EPS8: variants seen among roughly 807,000 people sequenced by gnomAD.
EPS8 encodes the protein EGFR pathway substrate 8, signaling adaptor.
In EPS8, 42 loss-of-function variants were observed where a neutral mutation model predicts 103.8. That is an observed-to-expected ratio of 0.40 (90% CI 0.32 to 0.52). The LOEUF (loss-of-function observed/expected upper bound fraction) is 0.52. Ranked by LOEUF, EPS8 falls within the 20% of genes least tolerant of loss-of-function variation. The pLI, the probability that EPS8 is intolerant of heterozygous loss-of-function variation, is 0.40. For missense variants in EPS8, 969 were observed against 1,005.1 expected (o/e 0.96, Z 0.49); for synonymous variants, 344 against 344.6 (o/e 1.00, Z 0.02).
At chr12:15,663,939 A>T (rs867279623) in intron 8 of EPS8, among the ~76,000 whole-genome samples, 39 of 63,772 alleles carry the variant, frequency 6.1e-4, no homozygotes, top group African/African-American at 3.1e-3. Context: ...AAAAAAAAAA[A>T]AAAAAAATAA....
chr12:15,640,661 T>A, intron 17 of EPS8, 42 bp downstream of exon 17: 1 of 1,570,954 alleles, frequency 6.4e-7, no homozygotes, highest in Non-Finnish European at 8.7e-7. Context: ...GATAACTTCG[T>A]AAATGTGTAC....
chr12:15,644,283 CT>C (rs1945282287), intron 15 of EPS8, among the ~76,000 whole-genome samples: 1 of 152,274 alleles, frequency 6.6e-6, no homozygotes, highest in African/African-American at 2.4e-5. Flanking sequence ...CGTCACTTTC[CT>C]TTTTTTGTCT....
At chr12:15,718,457 A>C (rs975174135) in intron 1 of EPS8, among the ~76,000 whole-genome samples, 16 of 152,208 alleles carry the variant, frequency 1.1e-4, no homozygotes, top group African/African-American at 3.9e-4. Flanking sequence ...AGAGCCTCCC[A>C]TTTCTGCTGA....
chr12:15,720,191 T>C (rs1237915436), intron 1 of EPS8, among the ~76,000 whole-genome samples: 2 of 152,202 alleles, frequency 1.3e-5, no homozygotes, highest in East Asian at 3.8e-4. Context: ...GAAAAGAGTA[T>C]AGCATAGTAC....
chr12:15,747,850 C>G lies in EPS8; in HGVS notation c.-22+41311G>C, dbSNP rs934232407. Among the ~76,000 whole-genome samples, 1 of 152,084 alleles carries G rather than the reference C, an allele frequency of 6.6e-6. No homozygotes were observed. The highest frequency in any genetic ancestry group is 2.4e-5 in the African/African-American group (1 of 41,394). On this transcript the variant is annotated intron_variant, in intron 1 of 20. Transcript: ENST00000281172. The surrounding 1 kb of genome is among the most constrained non-coding windows in gnomAD (Gnocchi z 4.4). ...CCTGGCTAACACGGTGAAACCCCGT[C>G]TCTACTAAAAATACAAAGAATTAGC...
intron 12 of EPS8, 102 bp downstream of exon 12, chr12:15,657,977 C>T: frequency 1.4e-6 from 1 of 706,008 alleles, no homozygotes; most frequent in African/African-American, 1.8e-5. Flanking sequence ...AAATAGTACC[C>T]ACGCAAGGTA....
intron 1 of EPS8, among the ~76,000 whole-genome samples, chr12:15,730,330 C>A (rs1194908954): frequency 6.6e-6 from 1 of 152,096 alleles, no homozygotes. Context: ...AGTGGCAGAG[C>A]CAGGTTTCAA....
At chr12:15,718,025 T>C (rs1293946333) in intron 1 of EPS8, among the ~76,000 whole-genome samples, 1 of 152,210 alleles carries the variant, frequency 6.6e-6, no homozygotes, top group Non-Finnish European at 1.5e-5. Context: ...TTTCCTTTCA[T>C]GTCCTATAAC....
intron 1 of EPS8, among the ~76,000 whole-genome samples, chr12:15,774,165 C>A (rs1273023240): frequency 1.3e-5 from 2 of 151,708 alleles, no homozygotes; most frequent in East Asian, 1.9e-4. Flanking sequence ...AAAAAAGATT[C>A]TCTGGTAATG....
At chr12:15,707,105 A>G (rs1946397536) in intron 1 of EPS8, among the ~76,000 whole-genome samples, 1 of 152,230 alleles carries the variant, frequency 6.6e-6, no homozygotes, top group African/African-American at 2.4e-5. Context: ...CACATGTTTG[A>G]AAATGTAGCC....
chr12:15,659,814 C>T (rs1945572976), intron 10 of EPS8, among the ~76,000 whole-genome samples: 1 of 152,144 alleles, frequency 6.6e-6, no homozygotes, highest in African/African-American at 2.4e-5. Context: ...TGAACTGCAG[C>T]ATACTTCAAA....
intron 1 of EPS8, among the ~76,000 whole-genome samples, chr12:15,699,042 T>A (rs1277586073): frequency 6.6e-6 from 1 of 152,154 alleles, no homozygotes; most frequent in Non-Finnish European, 1.5e-5. Flanking sequence ...AACCTACAAA[T>A]GATCCCTCCA....
At chr12:15,653,864 C>T (rs372791899) in intron 13 of EPS8, among the ~76,000 whole-genome samples, 2 of 152,164 alleles carry the variant, frequency 1.3e-5, no homozygotes, top group African/African-American at 4.8e-5. Context: ...AATGACAGCT[C>T]TTCTTTGAAA....
intron 18 of EPS8, among the ~76,000 whole-genome samples, chr12:15,629,161 A>G (rs895065390): frequency 1.1e-4 from 17 of 152,204 alleles, no homozygotes; most frequent in Non-Finnish European, 2.9e-5. Context: ...TGAAAAACAG[A>G]CTTCAACATG....
chr12:15,754,860 T>C (rs78915504), intron 1 of EPS8, among the ~76,000 whole-genome samples: 4,094 of 152,340 alleles, frequency 0.027, 180 homozygotes, highest in African/African-American at 0.093. Flanking sequence ...GATATTGTGA[T>C]GTGACAAGGC....
chr12:15,786,779 C>T (rs960256159), intron 1 of EPS8, among the ~76,000 whole-genome samples: 1 of 152,146 alleles, frequency 6.6e-6, no homozygotes, highest in African/African-American at 2.4e-5. Flanking sequence ...ATGTTTGCAA[C>T]TATTCCAATG....
chr12:15,778,179 T>C lies in EPS8; in HGVS notation c.-22+10982A>G, dbSNP rs1032453389. Among the ~76,000 whole-genome samples, 48 of 152,336 alleles carry C rather than the reference T, an allele frequency of 3.2e-4. 1 individual carries two copies. The highest frequency in any genetic ancestry group is 1.3e-4 in the Admixed American group (2 of 15,300). Reference sequence around the variant, plus strand: ...ATTATTCATTTTAAAATAGAAGTGATAATACTTTAAGCAAATCTGAGAATT... The same window carrying C: ...ATTATTCATTTTAAAATAGAAGTGACAATACTTTAAGCAAATCTGAGAATT... On this transcript the variant is annotated intron_variant, in intron 1 of 20. Transcript: ENST00000281172. The surrounding 1 kb of genome is among the most constrained non-coding windows in gnomAD (Gnocchi z 4.5).
chr12:15,669,898 A>G, intron 4 of EPS8, 73 bp from the exon 5 acceptor site: 1 of 1,197,906 alleles, frequency 8.3e-7, no homozygotes, highest in Non-Finnish European at 1.1e-6. Flanking sequence ...TACATTTTCC[A>G]AAAGAAAATC....
intron 1 of EPS8, among the ~76,000 whole-genome samples, chr12:15,726,862 C>T (rs1293715183): frequency 6.6e-6 from 1 of 152,086 alleles, no homozygotes; most frequent in Non-Finnish European, 1.5e-5. Context: ...ATGATTACTC[C>T]ACTTTCATTA....
Sources: allele counts gnomAD v4.1 joint callset (sites outside exome capture counted in the v4.1 genomes callset), GRCh38; gene constraint gnomAD v4.1.1; non-coding constraint Gnocchi (gnomAD v3.1); transcripts MANE v1.5; gene names NCBI Gene and HGNC (gene_info 2026-07-23, HGNC 2026-07-21).